PTPRA: variants seen among roughly 807,000 people sequenced by gnomAD.
PTPRA encodes protein tyrosine phosphatase receptor type A.
PTPRA carries 25 observed loss-of-function variants against 104.8 expected under a neutral mutation model. The observed-to-expected ratio is 0.24, with a 90% CI of 0.17 to 0.33. PTPRA has a LOEUF of 0.33. Among genes scored for constraint, PTPRA ranks in the 10% least tolerant of loss-of-function variants. The pLI, the probability that PTPRA is intolerant of heterozygous loss-of-function variation, is 1.00. For synonymous variants in PTPRA, 323 were observed against 368.9 expected (o/e 0.88, Z 1.43); for missense variants, 765 against 1,015.3 (o/e 0.75, Z 3.35).
At chr20:3,025,082 G>T (rs553441547) in intron 17 of PTPRA, among the ~76,000 whole-genome samples, 1 of 152,178 alleles carries the variant, frequency 6.6e-6, no homozygotes, top group Non-Finnish European at 1.5e-5. Flanking sequence ...CTGGACCTTA[G>T]ATCACTGATA....
chr20:2,971,118 G>C, intron 5 of PTPRA, among the ~76,000 whole-genome samples: 2 of 152,078 alleles, frequency 1.3e-5, no homozygotes, highest in African/African-American at 4.8e-5. Context: ...CCAGTAAAAT[G>C]AGTCATTCCT....
Position 2,950,248 on chromosome 20 carries a change from A to G in PTPRA, c.-7+2224A>G, listed in dbSNP as rs543316132. On this transcript the variant is annotated intron_variant, in intron 3 of 23. Coordinates refer to ENST00000399903, the MANE Select transcript of PTPRA (RefSeq NM_001385305.1). The surrounding 1 kb of genome is among the most constrained non-coding windows in gnomAD (Gnocchi z 4.0). The stretch of plus-strand genomic sequence containing the variant: ...GGCTAGTTTTTTATTCTTTTTCTAG[A>G]GATTCGTTCATTTTTCTTAGTTTTA... Among the ~76,000 whole-genome samples, 15 of 152,016 alleles carry G rather than the reference A, an allele frequency of 9.9e-5. 1 individual carries two copies. The highest frequency in any genetic ancestry group is 8.5e-4 in the Admixed American group (13 of 15,280).
chr20:3,015,972 A>G, intron 12 of PTPRA, 87 bp downstream of exon 12: 1 of 1,286,992 alleles, frequency 7.8e-7, no homozygotes, highest in Non-Finnish European at 1.1e-6. Context: ...TGAGTGGATT[A>G]ACCAGAATGC....
intron 5 of PTPRA, among the ~76,000 whole-genome samples, chr20:2,966,379 T>C (rs1353615818): frequency 2.0e-5 from 3 of 152,202 alleles, no homozygotes; most frequent in Non-Finnish European, 2.9e-5. Context: ...AGAGGAGATA[T>C]TAGGATTAAA....
chr20:2,872,209 G>C (rs2089446514), upstream of PTPRA, among the ~76,000 whole-genome samples: 1 of 152,064 alleles, frequency 6.6e-6, no homozygotes. This position sits in a 1 kb window ranked among gnomAD's most constrained non-coding sequence, Gnocchi z 7.9. Flanking sequence ...GGGGACCGGA[G>C]ATGGTAGGAC....
At chr20:2,915,069 T>G (rs2059851877) in intron 1 of PTPRA, among the ~76,000 whole-genome samples, 1 of 152,110 alleles carries the variant, frequency 6.6e-6, no homozygotes, top group African/African-American at 2.4e-5. Flanking sequence ...GTATCAGTAC[T>G]TCATTCTTCT....
chr20:2,919,359 G>A (rs1374850795), intron 1 of PTPRA, among the ~76,000 whole-genome samples: 1 of 152,130 alleles, frequency 6.6e-6, no homozygotes, highest in Non-Finnish European at 1.5e-5. Context: ...AAACTAAAAA[G>A]AAACGGATGC....
chr20:2,988,616 C>T lies in PTPRA; in HGVS notation c.738+142C>T, dbSNP rs538887171. On this transcript the variant is annotated intron_variant, in intron 9 of 23. Transcript: ENST00000399903. ...GAAATGTTTTACCAAGTTTATCTGA[C>T]TCCCTGTATGATCATGGATAGGAAA... 150 of 1,234,036 alleles carry T rather than the reference C, an allele frequency of 1.2e-4. No individual in the cohort carries two copies. The African/African-American group carries it at 2.1e-3, about 18-fold the overall frequency. The allele number at this position is 1,234,036 out of a possible 1,614,324, so 76.4% of individuals were successfully genotyped here.
chr20:2,872,150 G>T (rs2089444510), upstream of PTPRA, among the ~76,000 whole-genome samples: 1 of 151,942 alleles, frequency 6.6e-6, no homozygotes, highest in Admixed American at 6.5e-5. This position sits in a 1 kb window ranked among gnomAD's most constrained non-coding sequence, Gnocchi z 7.9. Context: ...ACAATACGGA[G>T]GAGTGGGGCA....
At chr20:2,932,083 T>C (rs1240802869) in intron 2 of PTPRA, among the ~76,000 whole-genome samples, 1 of 152,148 alleles carries the variant, frequency 6.6e-6, no homozygotes, top group Non-Finnish European at 1.5e-5. Flanking sequence ...GTGTGAATGG[T>C]AGAAGAAAAG....
chr20:2,943,496 CTGT>C (rs2061006833), intron 2 of PTPRA, among the ~76,000 whole-genome samples: 1 of 152,064 alleles, frequency 6.6e-6, no homozygotes, highest in Non-Finnish European at 1.5e-5. Flanking sequence ...GGGCAACCTT[CTGT>C]ACTCAAGAGT....
intron 11 of PTPRA, 121 bp downstream of exon 11, chr20:3,007,541 G>T: frequency 8.7e-6 from 10 of 1,151,502 alleles, no homozygotes; most frequent in South Asian, 1.5e-5. Flanking sequence ...TGACAAGTCT[G>T]GTTTTTTTAA....
intron 2 of PTPRA, among the ~76,000 whole-genome samples, chr20:2,930,292 T>C (rs1249403984): frequency 1.3e-5 from 2 of 152,128 alleles, no homozygotes; most frequent in African/African-American, 4.8e-5. Context: ...CACTAACATA[T>C]GGTATGATTT....
At chr20:2,888,254 C>T (rs940093510) in intron 1 of PTPRA, among the ~76,000 whole-genome samples, 3 of 152,082 alleles carry the variant, frequency 2.0e-5, no homozygotes, top group South Asian at 2.1e-4. Flanking sequence ...GTGGGGAAGA[C>T]GTAAGTTTGA....
At chr20:2,977,849 A>T (rs755346093) in intron 6 of PTPRA, among the ~76,000 whole-genome samples, 1 of 152,052 alleles carries the variant, frequency 6.6e-6, no homozygotes, top group African/African-American at 2.4e-5. Flanking sequence ...AAATATGTGA[A>T]CATCAGGAAC....
At chr20:2,881,326 A>G (rs562563651) in intron 1 of PTPRA, among the ~76,000 whole-genome samples, 1 of 152,062 alleles carries the variant, frequency 6.6e-6, no homozygotes, top group South Asian at 2.1e-4. Context: ...AAAAAAAAGT[A>G]TGTAAAACCT....
At chr20:2,901,190 C>T (rs763673705) in intron 1 of PTPRA, among the ~76,000 whole-genome samples, 1 of 152,028 alleles carries the variant, frequency 6.6e-6, no homozygotes, top group African/African-American at 2.4e-5. Flanking sequence ...AGACTGGCCT[C>T]GAACTCCTGA....
intron 2 of PTPRA, among the ~76,000 whole-genome samples, chr20:2,926,250 G>A (rs765391271): frequency 3.4e-4 from 51 of 152,072 alleles, no homozygotes; most frequent in South Asian, 6.2e-4. Context: ...AAAACTCCAT[G>A]AACTGGGTGG....
At position 2,890,095 on chromosome 20, in the gene PTPRA, A is replaced by G. The variant is rs367743478; in HGVS notation, c.-129+16335A>G. ...TTTTTTTTTGTAGAGATGAGGCCTC[A>G]CTATGAGCCTAGGATGATCTCAAAT... is the stretch of plus-strand genomic sequence containing the variant. On this transcript the variant is annotated intron_variant, in intron 1 of 23. Transcript: ENST00000399903. Among the ~76,000 whole-genome samples, 9 of 147,808 alleles carry G rather than the reference A, an allele frequency of 6.1e-5. No individual in the cohort carries two copies. The South Asian group carries it at 1.9e-3, about 32-fold the overall frequency.
Sources: gnomAD v4.1 joint callset for allele counts (sites outside exome capture counted in the v4.1 genomes callset) on GRCh38, gnomAD v4.1.1 for gene constraint, Gnocchi (gnomAD v3.1) non-coding constraint, MANE v1.5 for transcripts, NCBI Gene and HGNC (gene_info 2026-07-23, HGNC 2026-07-21) for gene names.